FN3K: variants seen among roughly 807,000 people sequenced by gnomAD.
FN3K encodes fructosamine-3-kinase.
In FN3K, 24 loss-of-function variants were observed where a neutral mutation model predicts 24.8. The ratio of observed to expected loss-of-function variants is 0.97; its 90% confidence interval spans 0.70 to 1.36. The LOEUF (loss-of-function observed/expected upper bound fraction) is 1.36, where lower values mean the gene tolerates loss of function less well. Ranked by LOEUF, FN3K falls within the 40% of genes most tolerant of loss-of-function variation. The pLI is 0.00. For synonymous variants in FN3K, 192 were observed against 175.2 expected, an observed-to-expected ratio of 1.10 and a Z score of -0.76; for missense variants, 449 against 416.7, an observed-to-expected ratio of 1.08 and a Z score of -0.67.
At chr17:82,750,356 A>G in intron 5 of FN3K, 61 bp from the exon 6 acceptor site, 1 of 1,444,744 alleles carries the variant, frequency 6.9e-7, no homozygotes, top group Non-Finnish European at 9.7e-7. Flanking sequence ...ATTTCCAAGA[A>G]CGAGGTGATG....
At chr17:82,738,699 C>T in intron 2 of FN3K, 59 bp downstream of exon 2, 2 of 1,596,742 alleles carry the variant, frequency 1.3e-6, no homozygotes, top group Non-Finnish European at 1.7e-6. Flanking sequence ...GACTCAGAGA[C>T]AAACAGAGAG....
chr17:82,739,892 G>T (rs4629001), intron 2 of FN3K, among the ~76,000 whole-genome samples: 26,716 of 150,910 alleles, frequency 0.18, 2,837 homozygotes, highest in South Asian at 0.29. Flanking sequence ...TTTTTCTTTT[G>T]CTTTTTCTTT....
chr17:82,737,305 G>A (rs2046908009), intron 1 of FN3K, among the ~76,000 whole-genome samples: 1 of 152,120 alleles, frequency 6.6e-6, no homozygotes, highest in South Asian at 2.1e-4. Flanking sequence ...TTGAGGCCAG[G>A]AGTTTGAGAC....
chr17:82,749,963 C>T, intron 5 of FN3K: 1 of 203,070 alleles, frequency 4.9e-6, no homozygotes, highest in Non-Finnish European at 1.0e-5. Flanking sequence ...TAGGCTGAGG[C>T]AGGAGAATCA....
intron 4 of FN3K, chr17:82,742,819 TTTC>T: frequency 2.3e-6 from 1 of 435,120 alleles, no homozygotes; most frequent in Non-Finnish European, 4.6e-6. Context: ...GAGAGAATAC[TTTC>T]AAATCTGTCT....
At chr17:82,744,232 C>T (rs1445108138) in intron 4 of FN3K, among the ~76,000 whole-genome samples, 3 of 152,102 alleles carry the variant, frequency 2.0e-5, no homozygotes, top group African/African-American at 4.8e-5. Flanking sequence ...CGGTCCTCCC[C>T]GAAGGAGTTT....
intron 4 of FN3K, among the ~76,000 whole-genome samples, chr17:82,746,104 A>AC (rs2046967168): frequency 6.6e-6 from 1 of 151,514 alleles, no homozygotes. Flanking sequence ...AAAAAAAAAA[A>AC]AAAAAAAACT....
At chr17:82,745,949 CAG>C (rs1170703908) in intron 4 of FN3K, among the ~76,000 whole-genome samples, 6 of 152,132 alleles carry the variant, frequency 3.9e-5, no homozygotes, top group South Asian at 4.2e-4. Context: ...AAAAAATTAA[CAG>C]GGCATGGTGG....
rs2047022307 is a variant in FN3K, at chr17:82,750,865, CCCGTCCCT to C, written c.*116_*123del. 6 of 764,156 alleles carry C rather than the reference CCCGTCCCT, an allele frequency of 7.9e-6. No homozygotes were observed. The highest frequency in any genetic ancestry group is 3.5e-5 in the South Asian group (2 of 57,586). The allele number at this position is 764,156 out of a possible 1,614,324, so 47.3% of individuals were successfully genotyped here. ...GTCCCTGTCCCCCTGTTCCCGTCTC[CCCGTCCCT>C]CCGTCTCCATCCCCCCGTCCCCCCA... On this transcript the variant is annotated 3_prime_UTR_variant, in exon 6 of 6. Coordinates refer to ENST00000300784, the MANE Select transcript of FN3K (RefSeq NM_022158.4).
At chr17:82,742,901 A>G (rs1356086501) in intron 4 of FN3K, 5 of 336,410 alleles carry the variant, frequency 1.5e-5, no homozygotes, top group South Asian at 6.8e-5. Context: ...TGGTGTGGGT[A>G]GAGGGTGATT....
chr17:82,735,640 G>A lies in FN3K; in HGVS notation c.4G>A (p.Glu2Lys), dbSNP rs1248180101. ...AGAGTCCCGCGCCCCGCACTCCATG[G>A]AGCAGCTGCTGCGCGCCGAGCTGCG... M[E>K]QLLRAELRTA... The change falls in exon 1 of 6, where the codon GAG becomes AAG. Residue 2 changes from glutamate to lysine, a missense_variant. Glu to Lys is a moderately conservative substitution (Grantham distance 56). Coordinates refer to ENST00000300784, the MANE Select transcript of FN3K (RefSeq NM_022158.4). The A allele has an allele frequency of 1.3e-6, 2 of 1,537,536 alleles. No homozygotes were observed. The highest frequency in any genetic ancestry group is 1.9e-5 in the Admixed American group (1 of 51,936).
chr17:82,747,371 A>G (rs1261897325), intron 4 of FN3K, among the ~76,000 whole-genome samples: 2 of 152,144 alleles, frequency 1.3e-5, no homozygotes, highest in East Asian at 3.8e-4. Context: ...AAAATATTTG[A>G]GGATTTCCCA....
At chr17:82,741,577 C>A in intron 4 of FN3K, 184 bp downstream of exon 4, 1 of 599,916 alleles carries the variant, frequency 1.7e-6, no homozygotes, top group Non-Finnish European at 3.0e-6. Context: ...CTGAGCTGGG[C>A]AGGGTCATGG....
chr17:82,750,830 C>T lies in FN3K; in HGVS notation c.*75C>T. 8.1e-7 allele frequency: 1 copy of T among 1,239,020 alleles called. No individual in the cohort carries two copies. The highest frequency in any genetic ancestry group is 1.1e-6 in the Non-Finnish European group (1 of 899,820). The allele number at this position is 1,239,020 out of a possible 1,614,324, so 76.8% of individuals were successfully genotyped here. On this transcript the variant is annotated 3_prime_UTR_variant, in exon 6 of 6. Coordinates refer to ENST00000300784, the MANE Select transcript of FN3K (RefSeq NM_022158.4). ...GTCCCTGTCCCCCCGTCCCCCGTCC[C>T]TGTGCCCCCGTCCCTGTCCCCCTGT...
chr17:82,750,887 C>A lies in FN3K; in HGVS notation c.*132C>A. ...CTCCCCGTCCCTCCGTCTCCATCCC[C>A]CCGTCCCCCCATCCTCCTGTCCCCG... is the stretch of plus-strand genomic sequence containing the variant. On this transcript the variant is annotated 3_prime_UTR_variant, in exon 6 of 6. Transcript: ENST00000300784. 1.8e-6 allele frequency: 1 copy of A among 545,262 alleles called. No individual in the cohort carries two copies. 33.8% of individuals were successfully genotyped at this position (545,262 alleles called of 1,614,324 possible).
At chr17:82,746,026 G>A (rs1476262714) in intron 4 of FN3K, among the ~76,000 whole-genome samples, 2 of 150,818 alleles carry the variant, frequency 1.3e-5, no homozygotes, top group Non-Finnish European at 3.0e-5. Context: ...CTCGGGAGGT[G>A]GAGCTTGCAG....
rs1242565948 is a variant in FN3K at position 82,750,909 on chromosome 17, C to T, written c.*154C>T. 6.3e-5 allele frequency: 27 copies of T among 426,714 alleles called. No homozygotes were observed. Among genetic ancestry groups the T allele is most frequent in the Non-Finnish European group, 1.1e-4 (26 of 243,758 alleles). 26.4% of individuals were successfully genotyped at this position (426,714 alleles called of 1,614,324 possible). A position where few individuals can be genotyped will look rare whatever the true frequency, so the allele number is the denominator to read the frequency against. ...CCCCCCGTCCCCCCATCCTCCTGTC[C>T]CCGTCCCCCCGTCCCCGTCCCTCCA... is the stretch of plus-strand genomic sequence containing the variant. On this transcript the variant is annotated 3_prime_UTR_variant, in exon 6 of 6. Transcript: ENST00000300784.
chr17:82,748,967 C>T lies in FN3K; in HGVS notation c.581C>T (p.Ser194Phe), dbSNP rs1399343058. The T allele has an allele frequency of 1.2e-6, 2 of 1,614,148 alleles. No homozygotes were observed. The highest frequency in any genetic ancestry group is 1.7e-6 in the Non-Finnish European group (2 of 1,180,028). The change falls in exon 5 of 6, where the codon TCC becomes TTC. Residue 194 changes from serine to phenylalanine, a missense_variant. Physicochemically the swap from Ser to Phe is radical, Grantham distance 155 (BLOSUM62 -2). Transcript: ENST00000300784. ...GACCGAGAGGCACGAGAACTCTGGT[C>T]CCGGCTACAGGTGGGCACGGCAGTG... ...YADREARELW[S>F]RLQVKIPDLF...
chr17:82,738,176 G>A (rs2046915910), intron 1 of FN3K: 1 of 346,920 alleles, frequency 2.9e-6, no homozygotes, highest in East Asian at 5.6e-5. Context: ...CTGGACCTTG[G>A]TTCACTCACA....
Sources: allele counts gnomAD v4.1 joint callset (sites outside exome capture counted in the v4.1 genomes callset), GRCh38; gene constraint gnomAD v4.1.1; transcripts MANE v1.5; gene names NCBI Gene and HGNC (gene_info 2026-07-23, HGNC 2026-07-21).